EFCAB11: variants seen among roughly 807,000 people sequenced by gnomAD.
EFCAB11 encodes the protein EF-hand calcium-binding domain-containing protein 11.
In EFCAB11, 14 loss-of-function variants were observed where a neutral mutation model predicts 23.0. That is an observed-to-expected ratio of 0.61 (90% CI 0.40 to 0.95). EFCAB11 has a LOEUF of 0.95. EFCAB11 is among the 40% of genes least tolerant of loss of function. The probability of loss-of-function intolerance (pLI) is 0.00; values close to 1 mark genes in which losing one functional copy is unlikely to be tolerated. For missense variants in EFCAB11, 198 were observed against 195.8 expected (o/e 1.01, Z -0.07); for synonymous variants, 65 against 66.6 (o/e 0.98, Z 0.11).
intron 5 of EFCAB11, among the ~76,000 whole-genome samples, chr14:89,898,774 G>A (rs1882870575): frequency 6.7e-6 from 1 of 149,906 alleles, no homozygotes; most frequent in Non-Finnish European, 1.5e-5. Flanking sequence ...TGGGCTCAAA[G>A]GATCCTCCTG....
At chr14:89,854,946 T>G (rs1044060296) in intron 5 of EFCAB11, among the ~76,000 whole-genome samples, 3 of 152,228 alleles carry the variant, frequency 2.0e-5, no homozygotes, top group African/African-American at 7.2e-5. Context: ...TGGTCGGGGG[T>G]TTGATACACA....
At chr14:89,877,526 A>G (rs1435241282) in intron 5 of EFCAB11, among the ~76,000 whole-genome samples, 1 of 152,112 alleles carries the variant, frequency 6.6e-6, no homozygotes, top group East Asian at 1.9e-4. Context: ...CTTCTCTAAT[A>G]CCATTTTCCA....
chr14:89,853,211 C>G (rs1887647519), intron 5 of EFCAB11, among the ~76,000 whole-genome samples: 1 of 152,124 alleles, frequency 6.6e-6, no homozygotes, highest in African/African-American at 2.4e-5. Context: ...ATAAAGTCAG[C>G]TAATTGGAGT....
chr14:89,826,745 C>T (rs941827588), intron 5 of EFCAB11, among the ~76,000 whole-genome samples: 2 of 152,046 alleles, frequency 1.3e-5, no homozygotes, highest in Non-Finnish European at 2.9e-5. Flanking sequence ...GGCAGAATAG[C>T]CTCCCATTCC....
intron 5 of EFCAB11, among the ~76,000 whole-genome samples, chr14:89,829,364 T>C (rs1886811183): frequency 6.6e-6 from 1 of 152,346 alleles, no homozygotes; most frequent in South Asian, 2.1e-4. Context: ...GCTAGTGCGT[T>C]AAATCTTAGA....
chr14:89,797,409 G>T, intron 5 of EFCAB11, 85 bp from the exon 6 acceptor site: 1 of 1,259,886 alleles, frequency 7.9e-7, no homozygotes, highest in Non-Finnish European at 1.1e-6. Context: ...TTATTTATTT[G>T]CATGTCTGTG....
intron 5 of EFCAB11, among the ~76,000 whole-genome samples, chr14:89,843,008 G>C (rs1887320173): frequency 6.6e-6 from 1 of 152,126 alleles, no homozygotes; most frequent in African/African-American, 2.4e-5. Flanking sequence ...TCCTATCACA[G>C]CACTTACCAC....
intron 2 of EFCAB11, among the ~76,000 whole-genome samples, chr14:89,953,208 A>G (rs1456780778): frequency 1.4e-5 from 2 of 140,046 alleles, no homozygotes; most frequent in Non-Finnish European, 3.1e-5. Flanking sequence ...ATGTTGGCAG[A>G]AAAAAAAAAA....
chr14:89,835,585 CGTGTGTGTGTGTGT>C (rs67831579), intron 5 of EFCAB11, among the ~76,000 whole-genome samples: 4,220 of 93,366 alleles, frequency 0.045, 118 homozygotes, highest in East Asian at 0.12. Flanking sequence ...GGATGCTCAA[CGTGTGTGTGTGTGT>C]GTGTGTGTGT....
rs776966227 is a variant in EFCAB11 at position 89,931,555 on chromosome 14, A to T, written c.396T>A (p.Val132=). The T allele has an allele frequency of 4.3e-6, 7 of 1,613,988 alleles. No homozygotes were observed. In the East Asian group the frequency reaches 1.6e-4, roughly 36 times the overall value. Reference sequence around the variant, plus strand: ...TGATGCCTTACCTGAATACCTCAAGAACAGTCCTTTCCGGTAATTTGGGAG... The same window carrying T: ...TGATGCCTTACCTGAATACCTCAAGTACAGTCCTTTCCGGTAATTTGGGAG... ...QVAPKLPERT[V]LEVFREVDRD... Residue 132 remains valine (V), a synonymous_variant, in exon 5 of 6, where the codon GTT becomes GTA. Transcript: ENST00000316738.
chr14:89,906,221 T>TA, intron 5 of EFCAB11, among the ~76,000 whole-genome samples: 2 of 142,956 alleles, frequency 1.4e-5, no homozygotes, highest in East Asian at 4.1e-4. Flanking sequence ...ATAAATAAAT[T>TA]AAAGGTAACT....
chr14:89,877,496 C>T (rs925897867), intron 5 of EFCAB11, among the ~76,000 whole-genome samples: 2 of 152,182 alleles, frequency 1.3e-5, no homozygotes, highest in African/African-American at 4.8e-5. Context: ...GGCGAAGGTG[C>T]ACATGATCTT....
At chr14:89,926,641 A>T (rs969044700) in intron 5 of EFCAB11, among the ~76,000 whole-genome samples, 1 of 152,244 alleles carries the variant, frequency 6.6e-6, no homozygotes, top group African/African-American at 2.4e-5. Context: ...AGCAATTAAA[A>T]TAAAAATTAG....
At chr14:89,931,397 T>C in intron 5 of EFCAB11, 144 bp downstream of exon 5, 3 of 753,030 alleles carry the variant, frequency 4.0e-6, no homozygotes, top group Non-Finnish European at 4.4e-6. Context: ...TAGATTTCCC[T>C]CCTGGACCAT....
At chr14:89,902,794 C>A (rs946126071) in intron 5 of EFCAB11, among the ~76,000 whole-genome samples, 1 of 152,026 alleles carries the variant, frequency 6.6e-6, no homozygotes, top group Non-Finnish European at 1.5e-5. Context: ...AAAATAAATC[C>A]TTTCACTATT....
chr14:89,856,396 C>T (rs1461260020), intron 5 of EFCAB11, among the ~76,000 whole-genome samples: 2 of 152,022 alleles, frequency 1.3e-5, no homozygotes, highest in Non-Finnish European at 2.9e-5. Flanking sequence ...CACCATGTTG[C>T]TCAGGCTGGT....
intron 5 of EFCAB11, among the ~76,000 whole-genome samples, chr14:89,886,474 C>T (rs1423954033): frequency 4.6e-5 from 6 of 130,276 alleles, no homozygotes; most frequent in Non-Finnish European, 6.2e-5. Flanking sequence ...GCTGAGATCG[C>T]GCCACTGCAC....
intron 5 of EFCAB11, among the ~76,000 whole-genome samples, chr14:89,917,074 GTGTGTGTGTGTGTGTGTGTGTGTA>G (rs1319597089): frequency 8.7e-5 from 12 of 137,838 alleles, no homozygotes; most frequent in African/African-American, 3.1e-4. Context: ...GTGTGTGTGT[GTGTGTGTGTGTGTGTGTGTGTGTA>G]TGTGTGTGTT....
chr14:89,836,231 C>T (rs1016995766), intron 5 of EFCAB11, among the ~76,000 whole-genome samples: 1 of 151,972 alleles, frequency 6.6e-6, no homozygotes, highest in African/African-American at 2.4e-5. Flanking sequence ...GGCGACCCTA[C>T]CCTGGGCCCT....
Sources: gnomAD v4.1 joint callset for allele counts (sites outside exome capture counted in the v4.1 genomes callset) on GRCh38, gnomAD v4.1.1 for gene constraint, MANE v1.5 for transcripts, NCBI Gene and HGNC (gene_info 2026-07-23, HGNC 2026-07-21) for gene names.